The following IDO2 variants were observed in gnomAD, a reference collection of about 807,000 sequenced individuals.
IDO2 encodes the protein indoleamine 2,3-dioxygenase-like 1 protein.
IDO2 carries 46 observed loss-of-function variants against 45.1 expected under a neutral mutation model. The ratio of observed to expected loss-of-function variants is 1.02; its 90% CI spans 0.80 to 1.30. IDO2 has a LOEUF of 1.30. IDO2 is among the 50% of genes most tolerant of loss of function. The probability of loss-of-function intolerance (pLI) is 0.00; values close to 1 mark genes in which losing one functional copy is unlikely to be tolerated. For synonymous variants in IDO2, 218 were observed against 184.9 expected (o/e 1.18, Z -1.45); for missense variants, 544 against 491.8 (o/e 1.11, Z -1.00).
intron 8 of IDO2, among the ~76,000 whole-genome samples, chr8:40,002,461 T>C (rs1015651856): frequency 2.0e-5 from 3 of 152,142 alleles, no homozygotes; most frequent in African/African-American, 4.8e-5. Flanking sequence ...AAGACCTTCA[T>C]ATAGACTGTT....
At chr8:39,978,179 GCTGGAGGAGCCCCAGCT>G (rs1259117848) in intron 3 of IDO2, among the ~76,000 whole-genome samples, 2 of 152,212 alleles carry the variant, frequency 1.3e-5, no homozygotes, top group East Asian at 3.9e-4. Context: ...CCGGGCCTGC[GCTGGAGGAGCCCCAGCT>G]CTGTGCCCAC....
intron 3 of IDO2, among the ~76,000 whole-genome samples, chr8:39,969,236 C>T (rs184383216): frequency 1.3e-5 from 2 of 152,108 alleles, no homozygotes; most frequent in African/African-American, 2.4e-5. Context: ...ATAGTGTGTA[C>T]GCATTTGGTG....
At chr8:39,948,394 G>C (rs1344635066) in intron 1 of IDO2, among the ~76,000 whole-genome samples, 2 of 152,098 alleles carry the variant, frequency 1.3e-5, no homozygotes, top group African/African-American at 4.8e-5. Flanking sequence ...AAGTGGTTGT[G>C]GTTTATCAAA....
intron 8 of IDO2, 80 bp downstream of exon 8, chr8:39,989,918 C>A: frequency 1.1e-6 from 1 of 877,204 alleles, no homozygotes; most frequent in Non-Finnish European, 1.8e-6. Flanking sequence ...GGGGACCAGG[C>A]ATGTCCTGAA....
chr8:39,979,194 CCAGAGAGCAGCTTCTCCTGTTACCCGG>C lies in IDO2; in HGVS notation c.315+12_315+38del, dbSNP rs1024897118. ...GAGGCGCAGCCTGCAGAGGTGAGGG[CCAGAGAGCAGCTTCTCCTGTTACCCGG>C]CAGGTTACCTGCGCCTGGAGTAACG... On this transcript the variant is annotated intron_variant, in intron 4 of 10. Coordinates refer to ENST00000502986, the Ensembl canonical transcript of IDO2. The C allele has an allele frequency of 8.3e-6, 13 of 1,572,468 alleles. No homozygotes were observed. The highest frequency in any genetic ancestry group is 1.0e-5 in the Non-Finnish European group (12 of 1,159,040).
At chr8:39,958,200 C>A (rs1479136728) in intron 2 of IDO2, among the ~76,000 whole-genome samples, 1 of 150,174 alleles carries the variant, frequency 6.7e-6, no homozygotes, top group Non-Finnish European at 1.5e-5. Flanking sequence ...CCACCGCGCC[C>A]AGACTTTATT....
At chr8:39,979,003 C>T in intron 3 of IDO2, 64 bp from the exon 4 acceptor site, 2 of 1,519,446 alleles carry the variant, frequency 1.3e-6, no homozygotes, top group Non-Finnish European at 1.8e-6. Flanking sequence ...GTCCCCGGCC[C>T]CCGTTACCTC....
intron 3 of IDO2, among the ~76,000 whole-genome samples, chr8:39,975,444 T>A (rs766669974): frequency 2.6e-5 from 4 of 152,052 alleles, no homozygotes; most frequent in Non-Finnish European, 5.9e-5. Flanking sequence ...TGTAAATTGA[T>A]TGGAAAAACA....
At chr8:39,959,317 T>G (rs948522746) in intron 2 of IDO2, among the ~76,000 whole-genome samples, 1 of 151,652 alleles carries the variant, frequency 6.6e-6, no homozygotes, top group Non-Finnish European at 1.5e-5. Flanking sequence ...GGTTTCACCG[T>G]GTTAGCCAGG....
rs72187471 is a variant in IDO2 at position 39,935,424 on chromosome 8, G to GGTTGTT, written c.-18+243_-18+248dup. 4.2e-3 allele frequency among the ~76,000 whole-genome samples: 630 copies of GGTTGTT among 149,994 alleles called. 4 individuals carry two copies. Among genetic ancestry groups the GGTTGTT allele is most frequent in the African/African-American group, 0.013 (531 of 40,540 alleles). ...TGAATGCTTTGTGCATTACTTTTCT[G>GGTTGTT]GTTGTTGTTGTTGTTGTTGTTGTTG... On this transcript the variant is annotated intron_variant, in intron 1 of 10. Coordinates refer to ENST00000502986, the Ensembl canonical transcript of IDO2.
intron 3 of IDO2, among the ~76,000 whole-genome samples, chr8:39,971,148 A>T (rs985737595): frequency 5.9e-5 from 9 of 152,140 alleles, no homozygotes; most frequent in African/African-American, 2.2e-4. Context: ...GCAGCTGGTG[A>T]CTTTAAGTTG....
intron 5 of IDO2, chr8:39,984,991 G>T (rs1563435081): frequency 2.5e-6 from 1 of 402,802 alleles, no homozygotes; most frequent in East Asian, 8.0e-5. Flanking sequence ...GAGTGCAGTG[G>T]CATGATCTCG....
At chr8:39,962,284 A>G (rs1212941541) in intron 2 of IDO2, among the ~76,000 whole-genome samples, 1 of 152,188 alleles carries the variant, frequency 6.6e-6, no homozygotes, top group Non-Finnish European at 1.5e-5. Flanking sequence ...TTCCAAGTGT[A>G]TCTTTAATAT....
chr8:39,982,869 C>T lies in IDO2; in HGVS notation c.434+99C>T, dbSNP rs140687989. On this transcript the variant is annotated intron_variant, in intron 5 of 10. Coordinates refer to ENST00000502986, the Ensembl canonical transcript of IDO2. ...AGGGAAGTTCATATTTATGGTCTGC[C>T]GTATGGTTCCAAAGAAGGGGTGAGC... The T allele has an allele frequency of 6.5e-4, 495 of 764,222 alleles. 2 individuals carry two copies. The African/African-American group carries it at 7.1e-3, about 11-fold the overall frequency. The allele number at this position is 764,222 out of a possible 1,614,324, so 47.3% of individuals were successfully genotyped here. A position where few individuals can be genotyped will look rare whatever the true frequency, so the allele number is the denominator to read the frequency against.
chr8:39,942,811 T>C (rs1023924136), intron 1 of IDO2, among the ~76,000 whole-genome samples: 4 of 152,224 alleles, frequency 2.6e-5, no homozygotes, highest in African/African-American at 9.6e-5. Context: ...TCATTTATTC[T>C]ATGACTCAGT....
chr8:39,983,853 T>C (rs535887442), intron 5 of IDO2, among the ~76,000 whole-genome samples: 261 of 61,454 alleles, frequency 4.2e-3, no homozygotes, highest in African/African-American at 0.016. Context: ...TGACAAACTC[T>C]GTCTCAAAAG....
At chr8:39,963,056 T>C (rs529440162) in intron 2 of IDO2, among the ~76,000 whole-genome samples, 1 of 152,252 alleles carries the variant, frequency 6.6e-6, no homozygotes, top group African/African-American at 2.4e-5. Context: ...CAGGGACCCT[T>C]CCCTATCTGC....
chr8:40,016,141 G>A (rs7832812), exon 11 of IDO2: 7,437 of 394,848 alleles, frequency 0.019, 481 homozygotes, highest in African/African-American at 0.14. Flanking sequence ...CTGACAATAA[G>A]GACTTGGAAG....
At chr8:39,997,918 G>A (rs567923746) in intron 8 of IDO2, 14 of 218,712 alleles carry the variant, frequency 6.4e-5, no homozygotes, top group Middle Eastern at 1.4e-3. Context: ...TGGTACATAA[G>A]TCATAACATT....
Sources: allele counts gnomAD v4.1 joint callset (sites outside exome capture counted in the v4.1 genomes callset), GRCh38; gene constraint gnomAD v4.1.1; transcripts MANE v1.5; gene names NCBI Gene and HGNC (gene_info 2026-07-23, HGNC 2026-07-21).